Variants in TRAPPC9 observed in about 807,000 individuals in gnomAD.
TRAPPC9 encodes IKK2 binding protein.
TRAPPC9 carries 83 observed loss-of-function variants against 124.0 expected under a neutral mutation model. The ratio of observed to expected loss-of-function variants is 0.67; its 90% CI spans 0.56 to 0.80. The LOEUF (loss-of-function observed/expected upper bound fraction) is 0.80, where lower values mean the gene tolerates loss of function less well. TRAPPC9 is among the 30% of genes least tolerant of loss of function. The probability of loss-of-function intolerance (pLI) is 0.00; values close to 1 mark genes in which losing one functional copy is unlikely to be tolerated. For synonymous variants in TRAPPC9, 638 were observed against 617.5 expected (o/e 1.03, Z -0.49); for missense variants, 1,302 against 1,508.3 (o/e 0.86, Z 2.27).
At chr8:140,072,045 G>C (rs1405987365) in intron 17 of TRAPPC9, among the ~76,000 whole-genome samples, 1 of 152,220 alleles carries the variant, frequency 6.6e-6, no homozygotes. Flanking sequence ...CAGCTGTCAA[G>C]AGTTTGGAGT....
rs578055664 is a variant in TRAPPC9 at position 140,356,309 on chromosome 8, G to A, written c.1495+3741C>T. 1.1e-4 allele frequency among the ~76,000 whole-genome samples: 16 copies of A among 152,318 alleles called. No homozygotes were observed. The South Asian group carries it at 2.7e-3, about 26-fold the overall frequency. On this transcript the variant is annotated intron_variant, in intron 9 of 22. Coordinates refer to ENST00000438773, the MANE Select transcript of TRAPPC9 (RefSeq NM_001160372.4). ...CGTGTAAACATCAACCTCCGAGCAC[G>A]TGGGGCTGGGAAACACAATCTACTT...
chr8:139,781,308 A>G (rs541939588), intron 21 of TRAPPC9, among the ~76,000 whole-genome samples: 2 of 152,360 alleles, frequency 1.3e-5, no homozygotes, highest in South Asian at 4.1e-4. Context: ...TAGACAATGA[A>G]ATAGTAGCAC....
At chr8:139,849,289 G>A (rs1827297411) in intron 21 of TRAPPC9, among the ~76,000 whole-genome samples, 2 of 152,230 alleles carry the variant, frequency 1.3e-5, no homozygotes, top group Admixed American at 6.5e-5. Flanking sequence ...TTGACACCAG[G>A]AGAGGTTCCC....
intron 21 of TRAPPC9, among the ~76,000 whole-genome samples, chr8:139,821,367 T>C (rs1825240331): frequency 6.6e-6 from 1 of 152,246 alleles, no homozygotes; most frequent in Non-Finnish European, 1.5e-5. Flanking sequence ...TCTCCCAGGC[T>C]GGGGCCACGT....
At chr8:140,112,137 G>A (rs554051596) in intron 17 of TRAPPC9, among the ~76,000 whole-genome samples, 14 of 152,334 alleles carry the variant, frequency 9.2e-5, no homozygotes, top group African/African-American at 3.1e-4. Context: ...CCTTGGGCAC[G>A]AGGAGAGTAA....
At chr8:139,963,749 CAAAAAAAAAAAAAAA>C (rs58224556) in intron 19 of TRAPPC9, among the ~76,000 whole-genome samples, 3 of 107,368 alleles carry the variant, frequency 2.8e-5, no homozygotes, top group Non-Finnish European at 1.8e-5. Flanking sequence ...CCAGTTCTAC[CAAAAAAAAAAAAAAA>C]AAAAAAAAAA....
Position 140,287,873 on chromosome 8 carries a change from G to A in TRAPPC9, c.1855-139C>T, listed in dbSNP as rs772169180. The A allele has an allele frequency of 2.4e-4, 306 of 1,253,304 alleles. 1 individual carries two copies. Among genetic ancestry groups the A allele is most frequent in the Non-Finnish European group, 3.0e-4 (264 of 880,842 alleles). The allele number at this position is 1,253,304 out of a possible 1,614,324, so 77.6% of individuals were successfully genotyped here. ...ACCAACAGTCTTCACAGAGAACTTC[G>A]GAGACAGTGTACAGTGTAACACAAA... On this transcript the variant is annotated intron_variant, in intron 12 of 22. Coordinates refer to ENST00000438773, the MANE Select transcript of TRAPPC9 (RefSeq NM_001160372.4).
chr8:140,362,648 G>A (rs779854398), intron 8 of TRAPPC9, among the ~76,000 whole-genome samples: 8 of 152,206 alleles, frequency 5.3e-5, no homozygotes, highest in African/African-American at 1.9e-4. Flanking sequence ...AGGAGAGAAA[G>A]ACGAGTCCCT....
chr8:139,866,988 C>T (rs1012069593), intron 21 of TRAPPC9, among the ~76,000 whole-genome samples: 1 of 152,244 alleles, frequency 6.6e-6, no homozygotes, highest in South Asian at 2.1e-4. Flanking sequence ...GCACCCACCA[C>T]CACAGCTGGC....
intron 17 of TRAPPC9, among the ~76,000 whole-genome samples, chr8:140,083,398 G>A (rs1843972109): frequency 6.6e-6 from 1 of 152,126 alleles, no homozygotes; most frequent in Non-Finnish European, 1.5e-5. Flanking sequence ...CAATTACACT[G>A]ACGAACATTG....
intron 17 of TRAPPC9, among the ~76,000 whole-genome samples, chr8:140,069,426 C>T (rs1229768563): frequency 6.6e-6 from 1 of 152,148 alleles, no homozygotes; most frequent in African/African-American, 2.4e-5. Flanking sequence ...GGCACCAAGA[C>T]GTAAGTGCTC....
At chr8:139,986,513 C>T (rs1837246927) in intron 19 of TRAPPC9, among the ~76,000 whole-genome samples, 2 of 152,108 alleles carry the variant, frequency 1.3e-5, no homozygotes, top group Admixed American at 6.6e-5. Context: ...TGAACACCCC[C>T]CATATGCCCA....
intron 21 of TRAPPC9, among the ~76,000 whole-genome samples, chr8:139,858,440 T>G (rs1160547374): frequency 6.6e-6 from 1 of 152,244 alleles, no homozygotes; most frequent in Non-Finnish European, 1.5e-5. Flanking sequence ...AGGGTGGGAC[T>G]CCAGCCGCAT....
chr8:140,205,192 G>A (rs1267432948), intron 17 of TRAPPC9, among the ~76,000 whole-genome samples: 1 of 152,276 alleles, frequency 6.6e-6, no homozygotes, highest in African/African-American at 2.4e-5. Context: ...AGTGTCACCA[G>A]GAGTTAAATA....
At chr8:140,320,691 G>A (rs190962184) in intron 9 of TRAPPC9, among the ~76,000 whole-genome samples, 11 of 152,354 alleles carry the variant, frequency 7.2e-5, no homozygotes, top group African/African-American at 2.4e-4. Flanking sequence ...TTTGTGAAGA[G>A]TATTATTCTC....
At chr8:139,814,009 G>C (rs1197862924) in intron 21 of TRAPPC9, among the ~76,000 whole-genome samples, 1 of 152,192 alleles carries the variant, frequency 6.6e-6, no homozygotes, top group Non-Finnish European at 1.5e-5. Flanking sequence ...GGTGACACCA[G>C]AATCCAGCTC....
At chr8:139,884,430 C>A (rs1829872532) in intron 21 of TRAPPC9, among the ~76,000 whole-genome samples, 1 of 152,178 alleles carries the variant, frequency 6.6e-6, no homozygotes, top group Non-Finnish European at 1.5e-5. Flanking sequence ...TTCCCCACCC[C>A]AAGTCACTCT....
chr8:140,169,074 G>A (rs2061908993), intron 17 of TRAPPC9, among the ~76,000 whole-genome samples: 1 of 152,168 alleles, frequency 6.6e-6, no homozygotes, highest in South Asian at 2.1e-4. Context: ...AAGCAAGGGG[G>A]AAATATGAGC....
At chr8:139,860,061 C>A (rs756646684) in intron 21 of TRAPPC9, among the ~76,000 whole-genome samples, 1 of 152,222 alleles carries the variant, frequency 6.6e-6, no homozygotes, top group Admixed American at 6.5e-5. Context: ...TTTGTGAGAA[C>A]AGGTCATCTT....
Sources: allele counts gnomAD v4.1 joint callset (sites outside exome capture counted in the v4.1 genomes callset), GRCh38; gene constraint gnomAD v4.1.1; transcripts MANE v1.5; gene names NCBI Gene and HGNC (gene_info 2026-07-23, HGNC 2026-07-21).